The following DERA variants were observed in gnomAD, a reference collection of about 807,000 sequenced individuals.
DERA encodes the protein deoxyribose-phosphate aldolase.
Under a neutral mutation model 41.1 loss-of-function variants are expected in DERA, and 15 were observed. The observed-to-expected ratio is 0.37, with a 90% CI of 0.24 to 0.56. The LOEUF is 0.56. DERA is among the 20% of genes least tolerant of loss of function. DERA has a pLI of 0.81. For synonymous variants in DERA, 139 were observed against 137.4 expected (o/e 1.01, Z -0.08); for missense variants, 396 against 403.4 (o/e 0.98, Z 0.16).
rs977245625 is a variant in DERA at position 15,970,887 on chromosome 12, T to G, written c.508+7940T>G. Among the ~76,000 whole-genome samples, 7 of 152,208 alleles carry G rather than the reference T, an allele frequency of 4.6e-5. No homozygotes were observed. Among genetic ancestry groups the G allele is most frequent in the African/African-American group, 1.7e-4 (7 of 41,444 alleles). Reference sequence around the variant, plus strand: ...TAGTTTTAGCTTCTGGGGATTACATTCTTCAGGTAAGAAGTGAAAATAGAG... The same window carrying G: ...TAGTTTTAGCTTCTGGGGATTACATGCTTCAGGTAAGAAGTGAAAATAGAG... On this transcript the variant is annotated intron_variant, in intron 5 of 8. Transcript: ENST00000428559. The surrounding 1 kb of genome is among the most constrained non-coding windows in gnomAD (Gnocchi z 4.3).
In DERA at chr12:15,996,105, T is replaced by C. The variant is rs11829485; in HGVS notation, c.637+13669T>C. Among the ~76,000 whole-genome samples the C allele has an allele frequency of 0.065, 9,855 of 152,040 alleles. 1,019 individuals carry two copies. The highest frequency in any genetic ancestry group is 0.22 in the African/African-American group (9,078 of 41,388). On this transcript the variant is annotated intron_variant, in intron 6 of 8. Coordinates refer to ENST00000428559, the MANE Select transcript of DERA (RefSeq NM_015954.4). This position sits in a 1 kb window ranked among gnomAD's most constrained non-coding sequence, Gnocchi z 4.7. ...TTCTCTTTCAGAGTTAATGTGATTC[T>C]ATGCAGAAGAGAAAATTATTTCATA... is the stretch of plus-strand genomic sequence containing the variant.
At position 15,999,197 on chromosome 12, in the gene DERA, G is replaced by A. The variant is rs910435345; in HGVS notation, c.637+16761G>A. ...AGGGTTCTCTGCCATCAGTACCTGG[G>A]GATATTTCTTTCCCTCGAATGGGTT... On this transcript the variant is annotated intron_variant, in intron 6 of 8. Transcript: ENST00000428559. This position sits in a 1 kb window ranked among gnomAD's most constrained non-coding sequence, Gnocchi z 5.3. Among the ~76,000 whole-genome samples, 2 of 152,080 alleles carry A rather than the reference G, an allele frequency of 1.3e-5. No individual in the cohort carries two copies. The highest frequency in any genetic ancestry group is 4.8e-5 in the African/African-American group (2 of 41,392).
At chr12:15,958,426 T>G in intron 3 of DERA, 91 bp downstream of exon 3, 3 of 949,384 alleles carry the variant, frequency 3.2e-6, no homozygotes, top group Non-Finnish European at 4.4e-6. Flanking sequence ...CTGCTAATGA[T>G]AGCGGTGATA....
In DERA at chr12:15,954,938, A is replaced by G. The variant is rs767591845; in HGVS notation, c.32-1998A>G. 5.9e-5 allele frequency among the ~76,000 whole-genome samples: 9 copies of G among 151,700 alleles called. No individual in the cohort carries two copies. The highest frequency in any genetic ancestry group is 1.3e-4 in the Non-Finnish European group (9 of 67,962). On this transcript the variant is annotated intron_variant, in intron 1 of 8. Coordinates refer to ENST00000428559, the MANE Select transcript of DERA (RefSeq NM_015954.4). The surrounding 1 kb of genome is among the most constrained non-coding windows in gnomAD (Gnocchi z 4.0). Reference sequence around the variant, plus strand: ...TCACATACTCTTCACTCATTTTTCTATATCTGCTTGAAACAGTCTTTACCA... The same window carrying G: ...TCACATACTCTTCACTCATTTTTCTGTATCTGCTTGAAACAGTCTTTACCA...
chr12:16,011,022 T>A lies in DERA; in HGVS notation c.638-21520T>A, dbSNP rs554403492. 6.6e-6 allele frequency among the ~76,000 whole-genome samples: 1 copy of A among 152,228 alleles called. No individual in the cohort carries two copies. The highest frequency in any genetic ancestry group is 2.4e-5 in the African/African-American group (1 of 41,456). On this transcript the variant is annotated intron_variant, in intron 6 of 8. Transcript: ENST00000428559. The surrounding 1 kb of genome is among the most constrained non-coding windows in gnomAD (Gnocchi z 4.7). ...TCTAATCCTGATAAAGTAGCCTAAT[T>A]TTCTAGCTTGCTTTGTTCAGTAAAA...
intron 1 of DERA, among the ~76,000 whole-genome samples, chr12:15,950,907 T>C (rs1458649330): frequency 6.6e-6 from 1 of 152,264 alleles, no homozygotes; most frequent in Non-Finnish European, 1.5e-5. Context: ...CCATTTTGGA[T>C]AGCCCTTTGA....
chr12:16,036,491 C>T lies in DERA; in HGVS notation c.900+110C>T. On this transcript the variant is annotated intron_variant, in intron 8 of 8. Transcript: ENST00000428559. This position sits in a 1 kb window ranked among gnomAD's most constrained non-coding sequence, Gnocchi z 4.9. Reference sequence around the variant, plus strand: ...AAAAACTCATCTGATTGACCTCATCCTACCCAATCCTCTACCTTTTCTTCC... The same window carrying T: ...AAAAACTCATCTGATTGACCTCATCTTACCCAATCCTCTACCTTTTCTTCC... 7.9e-7 allele frequency: 1 copy of T among 1,270,858 alleles called. No homozygotes were observed. The highest frequency in any genetic ancestry group is 2.5e-5 in the Admixed American group (1 of 40,542). The allele number at this position is 1,270,858 out of a possible 1,614,324, so 78.7% of individuals were successfully genotyped here.
intron 5 of DERA, among the ~76,000 whole-genome samples, chr12:15,971,092 C>T (rs1178703052): frequency 2.6e-5 from 4 of 152,190 alleles, no homozygotes; most frequent in African/African-American, 7.2e-5. Flanking sequence ...TAGGTTGTGA[C>T]AATTCTCCAG....
In DERA at chr12:15,970,101, G is replaced by A. The variant is rs1710354942; in HGVS notation, c.508+7154G>A. Reference sequence around the variant, plus strand: ...TACAAGATTAATTAGTTGCTTTGGTGGATGAAACTGTGTTCTTGAACATTT... The same window carrying A: ...TACAAGATTAATTAGTTGCTTTGGTAGATGAAACTGTGTTCTTGAACATTT... On this transcript the variant is annotated intron_variant, in intron 5 of 8. Transcript: ENST00000428559. This position sits in a 1 kb window ranked among gnomAD's most constrained non-coding sequence, Gnocchi z 4.3. Among the ~76,000 whole-genome samples the A allele has an allele frequency of 1.3e-5, 2 of 152,112 alleles. No individual in the cohort carries two copies. Among genetic ancestry groups the A allele is most frequent in the South Asian group, 4.1e-4 (2 of 4,826 alleles).
At chr12:16,006,369 G>A (rs2136176278) in intron 6 of DERA, among the ~76,000 whole-genome samples, 1 of 152,186 alleles carries the variant, frequency 6.6e-6, no homozygotes, top group East Asian at 1.9e-4. Context: ...AGAAATAGCT[G>A]GAAAAAAATA....
At position 15,956,112 on chromosome 12, in the gene DERA, C is replaced by T. The variant is rs371753364; in HGVS notation, c.32-824C>T. On this transcript the variant is annotated intron_variant, in intron 1 of 8. Coordinates refer to ENST00000428559, the MANE Select transcript of DERA (RefSeq NM_015954.4). ...ATCATGGCTGACAATGTACTAAGTA[C>T]AACGAATGGTTTCACCAGGAATCCT... Among the ~76,000 whole-genome samples the T allele has an allele frequency of 7.5e-4, 114 of 152,316 alleles. 3 individuals carry two copies. In the Middle Eastern group the frequency reaches 0.01, roughly 14 times the overall value.
In DERA at chr12:16,000,430, A is replaced by G. The variant is rs1428733619; in HGVS notation, c.637+17994A>G. Reference sequence around the variant, plus strand: ...CACATGTAAATCAAAATGCAGAACTAATACATTTGTTTTAGTGATTCAGGA... The same window carrying G: ...CACATGTAAATCAAAATGCAGAACTGATACATTTGTTTTAGTGATTCAGGA... On this transcript the variant is annotated intron_variant, in intron 6 of 8. Transcript: ENST00000428559. The surrounding 1 kb of genome is among the most constrained non-coding windows in gnomAD (Gnocchi z 4.8). 6.6e-6 allele frequency among the ~76,000 whole-genome samples: 1 copy of G among 152,226 alleles called. No homozygotes were observed. Among genetic ancestry groups the G allele is most frequent in the African/African-American group, 2.4e-5 (1 of 41,462 alleles).
At chr12:15,964,398 ACATT>A (rs2136151101) in intron 5 of DERA, among the ~76,000 whole-genome samples, 1 of 152,290 alleles carries the variant, frequency 6.6e-6, no homozygotes, top group South Asian at 2.1e-4. Flanking sequence ...ATACTCATCA[ACATT>A]TATAATTCTT....
In DERA at chr12:16,030,837, G is replaced by A. The variant is rs1431724075; in HGVS notation, c.638-1705G>A. Among the ~76,000 whole-genome samples the A allele has an allele frequency of 2.0e-5, 3 of 152,116 alleles. No homozygotes were observed. In the South Asian group the frequency reaches 6.2e-4, roughly 32 times the overall value. Reference sequence around the variant, plus strand: ...GCTTTAGAGCAGAGTCTGGCACATGGTAGTACTCAGTAAATATTTGTTGAA... The same window carrying A: ...GCTTTAGAGCAGAGTCTGGCACATGATAGTACTCAGTAAATATTTGTTGAA... On this transcript the variant is annotated intron_variant, in intron 6 of 8. Coordinates refer to ENST00000428559, the MANE Select transcript of DERA (RefSeq NM_015954.4).
At position 15,954,134 on chromosome 12, in the gene DERA, A is replaced by T. The variant is rs1318650087; in HGVS notation, c.32-2802A>T. Among the ~76,000 whole-genome samples, 1 of 152,162 alleles carries T rather than the reference A, an allele frequency of 6.6e-6. No homozygotes were observed. The highest frequency in any genetic ancestry group is 1.5e-5 in the Non-Finnish European group (1 of 68,028). The stretch of plus-strand genomic sequence containing the variant: ...ACTCAAAATTGGTTTTTAAGGGGAA[A>T]GTTCCCAGGCATCCCATTCATACCT... On this transcript the variant is annotated intron_variant, in intron 1 of 8. Coordinates refer to ENST00000428559, the MANE Select transcript of DERA (RefSeq NM_015954.4). This position sits in a 1 kb window ranked among gnomAD's most constrained non-coding sequence, Gnocchi z 4.0.
Position 15,915,769 on chromosome 12 carries a change from C to G in DERA, c.31+4355C>G, listed in dbSNP as rs1051064094. On this transcript the variant is annotated intron_variant, in intron 1 of 8. Coordinates refer to ENST00000428559, the MANE Select transcript of DERA (RefSeq NM_015954.4). This position sits in a 1 kb window ranked among gnomAD's most constrained non-coding sequence, Gnocchi z 4.8. ...GGCACTATGCTGAATGCTTGAAATT[C>G]TCATTTAGTCCACAATGGCCCTGTG... is the stretch of plus-strand genomic sequence containing the variant. 6.6e-6 allele frequency among the ~76,000 whole-genome samples: 1 copy of G among 152,212 alleles called. No individual in the cohort carries two copies. The highest frequency in any genetic ancestry group is 2.4e-5 in the African/African-American group (1 of 41,452).
Position 16,003,809 on chromosome 12 carries a change from A to G in DERA, c.637+21373A>G, listed in dbSNP as rs551328524. ...TTCCCCGCAAAACCCTCTTTGTATC[A>G]CCATCTTGAGATTCCTTATCCAAAT... On this transcript the variant is annotated intron_variant, in intron 6 of 8. Transcript: ENST00000428559. The surrounding 1 kb of genome is among the most constrained non-coding windows in gnomAD (Gnocchi z 4.8). Among the ~76,000 whole-genome samples, 2 of 152,174 alleles carry G rather than the reference A, an allele frequency of 1.3e-5. No homozygotes were observed. The highest frequency in any genetic ancestry group is 2.1e-4 in the South Asian group (1 of 4,810).
chr12:15,926,038 G>A (rs978711824), intron 1 of DERA, among the ~76,000 whole-genome samples: 4 of 151,470 alleles, frequency 2.6e-5, no homozygotes, highest in Admixed American at 1.3e-4. Context: ...GGCCAGGCTG[G>A]TCTCGAACTC....
chr12:15,912,309 T>G (rs940226865), intron 1 of DERA, among the ~76,000 whole-genome samples: 1 of 152,144 alleles, frequency 6.6e-6, no homozygotes, highest in Non-Finnish European at 1.5e-5. Flanking sequence ...ACACAGCACA[T>G]GTTTCAGAGA....
Sources: allele counts gnomAD v4.1 joint callset (sites outside exome capture counted in the v4.1 genomes callset), GRCh38; gene constraint gnomAD v4.1.1; non-coding constraint Gnocchi (gnomAD v3.1); transcripts MANE v1.5; gene names NCBI Gene and HGNC (gene_info 2026-07-23, HGNC 2026-07-21).